The following CELF2 variants were observed in gnomAD, a reference collection of about 807,000 sequenced individuals.
CELF2 encodes CUGBP Elav-like family member 2, also known as CUG triplet repeat RNA-binding protein 2.
In CELF2, 8 loss-of-function variants were observed where a neutral mutation model predicts 62.6. The observed-to-expected ratio is 0.13, with a 90% CI of 0.07 to 0.23. The LOEUF is 0.23. Ranked by LOEUF, CELF2 falls within the 10% of genes least tolerant of loss-of-function variation. The pLI, the probability that CELF2 is intolerant of heterozygous loss-of-function variation, is 1.00. For missense variants in CELF2, 333 were observed against 671.0 expected, an observed-to-expected ratio of 0.50 and a Z score of 5.56; for synonymous variants, 258 against 250.0, an observed-to-expected ratio of 1.03 and a Z score of -0.30.
chr10:10,819,796 C>T (rs949940905), intron 1 of CELF2, among the ~76,000 whole-genome samples: 2 of 152,126 alleles, frequency 1.3e-5, no homozygotes, highest in African/African-American at 4.8e-5. Flanking sequence ...ATTTTTCATG[C>T]ACCTTCAGTT....
the CELF2 span, among the ~76,000 whole-genome samples, chr10:10,699,244 T>A: frequency 3.2e-4 from 49 of 152,286 alleles, no homozygotes; most frequent in South Asian, 8.3e-4. Flanking sequence ...GAAAATAATA[T>A]ATGTTTTTGA....
At chr10:10,956,698 C>CGGAG (rs1564261014) in intron 2 of CELF2, among the ~76,000 whole-genome samples, 1 of 151,888 alleles carries the variant, frequency 6.6e-6, no homozygotes, top group Non-Finnish European at 1.5e-5. Flanking sequence ...GAGGCCAAGC[C>CGGAG]GGAGGATTGC....
At chr10:11,112,128 G>A (rs1402012854) in intron 1 of CELF2, among the ~76,000 whole-genome samples, 1 of 152,248 alleles carries the variant, frequency 6.6e-6, no homozygotes, top group Non-Finnish European at 1.5e-5. Flanking sequence ...CTTTCTCAAT[G>A]GCCTGTGTCT....
At chr10:10,812,599 G>A (rs1354047592) in intron 1 of CELF2, among the ~76,000 whole-genome samples, 1 of 152,182 alleles carries the variant, frequency 6.6e-6, no homozygotes, top group African/African-American at 2.4e-5. Context: ...CCTCAGCAGT[G>A]CCTGGTCCTG....
the CELF2 span, among the ~76,000 whole-genome samples, chr10:10,729,191 A>G: frequency 6.6e-6 from 1 of 152,238 alleles, no homozygotes; most frequent in East Asian, 1.9e-4. Flanking sequence ...TCTTCACAGG[A>G]GAGGAAGATT....
the CELF2 span, among the ~76,000 whole-genome samples, chr10:10,475,912 T>G: frequency 0.23 from 35,427 of 151,976 alleles, 4,779 homozygotes; most frequent in African/African-American, 0.38. Context: ...CTCTTTCTTT[T>G]GTAATGGTTG....
the CELF2 span, among the ~76,000 whole-genome samples, chr10:10,553,467 T>G: frequency 1.3e-5 from 2 of 152,110 alleles, no homozygotes; most frequent in African/African-American, 4.8e-5. Context: ...CATCTCCAAA[T>G]ATCATTGCAC....
intron 1 of CELF2, among the ~76,000 whole-genome samples, chr10:11,094,890 T>C (rs2049360189): frequency 6.6e-6 from 1 of 152,220 alleles, no homozygotes; most frequent in African/African-American, 2.4e-5. Flanking sequence ...ACTGCACTTG[T>C]TTTAATTGAA....
chr10:11,086,313 C>T (rs2141677240), intron 1 of CELF2, among the ~76,000 whole-genome samples: 1 of 152,150 alleles, frequency 6.6e-6, no homozygotes, highest in South Asian at 2.1e-4. Flanking sequence ...TTTCCCTCCG[C>T]CTGGCCTGTG....
At chr10:10,572,460 A>G in the CELF2 span, among the ~76,000 whole-genome samples, 1 of 151,982 alleles carries the variant, frequency 6.6e-6, no homozygotes, top group South Asian at 2.1e-4. Context: ...TCACCTTGGT[A>G]TTAAACCAGC....
chr10:10,967,572 T>A (rs2050261849), intron 2 of CELF2, among the ~76,000 whole-genome samples: 1 of 152,162 alleles, frequency 6.6e-6, no homozygotes, highest in Non-Finnish European at 1.5e-5. Context: ...ACAATACATG[T>A]GTGACCCTGA....
At chr10:11,144,979 G>C (rs897944477) in intron 1 of CELF2, among the ~76,000 whole-genome samples, 1 of 150,242 alleles carries the variant, frequency 6.7e-6, no homozygotes, top group Non-Finnish European at 1.5e-5. Flanking sequence ...ATGCGAAGCT[G>C]TAAGACTTTC....
At chr10:10,984,883 T>C (rs1241499227) in intron 2 of CELF2, among the ~76,000 whole-genome samples, 1 of 152,194 alleles carries the variant, frequency 6.6e-6, no homozygotes, top group Non-Finnish European at 1.5e-5. Flanking sequence ...GAGCACAAAA[T>C]GTTTCTTTCT....
At chr10:11,275,825 G>A (rs1010402512) in intron 8 of CELF2, among the ~76,000 whole-genome samples, 4 of 152,156 alleles carry the variant, frequency 2.6e-5, no homozygotes, top group African/African-American at 7.2e-5. Context: ...CTTCCGTGCC[G>A]ATTTCCCTAC....
At position 11,008,408 on chromosome 10, in the gene CELF2, A is replaced by G. The variant is rs1011966709; in HGVS notation, c.53+2968A>G. On this transcript the variant is annotated intron_variant, in intron 1 of 12. Coordinates refer to the CELF2 transcript ENST00000416382. This position sits in a 1 kb window ranked among gnomAD's most constrained non-coding sequence, Gnocchi z 4.5. ...TTCCTTGATTTGTTAAAATGAAACC[A>G]GACAGTTTTGCTTTTTTTAAAATAG... 1.3e-5 allele frequency among the ~76,000 whole-genome samples: 2 copies of G among 152,236 alleles called. No individual in the cohort carries two copies. The highest frequency in any genetic ancestry group is 4.8e-5 in the African/African-American group (2 of 41,452).
intron 1 of CELF2, among the ~76,000 whole-genome samples, chr10:10,851,029 C>T (rs2059352687): frequency 6.6e-6 from 1 of 152,116 alleles, no homozygotes; most frequent in Non-Finnish European, 1.5e-5. Context: ...TGGTCTCAAA[C>T]TCCTGACTTC....
the CELF2 span, among the ~76,000 whole-genome samples, chr10:10,653,357 C>T: frequency 6.7e-6 from 1 of 148,718 alleles, no homozygotes; most frequent in Non-Finnish European, 1.5e-5. Context: ...CAGCTCTGCA[C>T]CAAGTGGACC....
chr10:10,633,243 T>A, the CELF2 span, among the ~76,000 whole-genome samples: 8 of 152,338 alleles, frequency 5.3e-5, no homozygotes, highest in East Asian at 1.9e-4. Context: ...GACACTTTTT[T>A]AAACATGGAC....
intron 1 of CELF2, among the ~76,000 whole-genome samples, chr10:11,118,033 A>G (rs138277378): frequency 6.6e-6 from 1 of 152,216 alleles, no homozygotes; most frequent in Admixed American, 6.5e-5. Flanking sequence ...AGAAGCATTT[A>G]ATTGTCTTAG....
Sources: gnomAD v4.1 joint callset for allele counts (sites outside exome capture counted in the v4.1 genomes callset) on GRCh38, gnomAD v4.1.1 for gene constraint, Gnocchi (gnomAD v3.1) non-coding constraint, MANE v1.5 for transcripts, NCBI Gene and HGNC (gene_info 2026-07-23, HGNC 2026-07-21) for gene names.